The following CYFIP2 variants were observed in gnomAD, a reference collection of about 807,000 sequenced individuals.
CYFIP2 encodes cytoplasmic FMR1-interacting protein 2.
Under a neutral mutation model 158.7 loss-of-function variants are expected in CYFIP2, and 29 were observed. The ratio of observed to expected loss-of-function variants is 0.18; its 90% CI spans 0.14 to 0.25. The LOEUF is 0.25. CYFIP2 is among the 10% of genes least tolerant of loss of function. The pLI is 1.00. For missense variants in CYFIP2, 852 were observed against 1,639.5 expected (o/e 0.52, Z 8.29); for synonymous variants, 585 against 617.6 (o/e 0.95, Z 0.78).
In CYFIP2 at chr5:157,294,883, T is replaced by G. The variant is rs1283887590; in HGVS notation, c.285+23T>G. 2.5e-6 allele frequency: 4 copies of G among 1,604,248 alleles called. No individual in the cohort carries two copies. In the African/African-American group the frequency reaches 5.4e-5, roughly 21 times the overall value. The stretch of plus-strand genomic sequence containing the variant: ...CAGGTGAGACTGTCCTTGTTGTGTG[T>G]CTCTTTCCCCTCCAGAGGGCATTAC... On this transcript the variant is annotated intron_variant, in intron 4 of 30. Coordinates refer to ENST00000620254, the MANE Select transcript of CYFIP2 (RefSeq NM_001037333.3).
chr5:157,297,287 G>A (rs1266938414), intron 5 of CYFIP2, among the ~76,000 whole-genome samples: 1 of 152,248 alleles, frequency 6.6e-6, no homozygotes, highest in Non-Finnish European at 1.5e-5. Context: ...TGAGGGAAAT[G>A]GGAAGGTGGG....
At chr5:157,267,827 G>C (rs1755735479) in intron 1 of CYFIP2, among the ~76,000 whole-genome samples, 1 of 152,260 alleles carries the variant, frequency 6.6e-6, no homozygotes, top group Non-Finnish European at 1.5e-5. Flanking sequence ...GGGGAGCTGG[G>C]TAGTTCTTTT....
intron 24 of CYFIP2, among the ~76,000 whole-genome samples, chr5:157,359,631 C>T (rs567555234): frequency 1.3e-5 from 2 of 152,240 alleles, no homozygotes; most frequent in African/African-American, 4.8e-5. Flanking sequence ...CAAGAGAGTT[C>T]TGTATCCCTT....
chr5:157,355,774 TG>T (rs1206210090), intron 23 of CYFIP2, among the ~76,000 whole-genome samples: 2 of 152,192 alleles, frequency 1.3e-5, no homozygotes, highest in Non-Finnish European at 2.9e-5. Flanking sequence ...AGAGCTTTGC[TG>T]GGTTTACAGG....
chr5:157,280,015 A>G (rs1035475796), intron 1 of CYFIP2, among the ~76,000 whole-genome samples: 4 of 152,360 alleles, frequency 2.6e-5, no homozygotes, highest in South Asian at 2.1e-4. Flanking sequence ...ACCAATGCTC[A>G]TAGAAATCCA....
intron 29 of CYFIP2, 24 bp from the exon 30 acceptor site, chr5:157,390,497 G>A: frequency 7.8e-7 from 1 of 1,281,658 alleles, no homozygotes; most frequent in South Asian, 1.3e-5. Flanking sequence ...TCTCACTCCA[G>A]CTGCTTCCTC....
chr5:157,271,256 T>C (rs771780831), intron 1 of CYFIP2, among the ~76,000 whole-genome samples: 3 of 152,176 alleles, frequency 2.0e-5, no homozygotes, highest in Non-Finnish European at 4.4e-5. Context: ...CCACAGAGAA[T>C]GGTCTGCATG....
intron 30 of CYFIP2, 109 bp from the exon 31 acceptor site, chr5:157,392,724 C>A: frequency 8.2e-7 from 1 of 1,215,734 alleles, no homozygotes; most frequent in Non-Finnish European, 1.2e-6. Context: ...AAGAAAGTGA[C>A]ATGATCACTG....
At chr5:157,296,103 G>T (rs964706141) in intron 4 of CYFIP2, among the ~76,000 whole-genome samples, 1 of 152,236 alleles carries the variant, frequency 6.6e-6, no homozygotes, top group Admixed American at 6.5e-5. Flanking sequence ...CATGGACAGG[G>T]CACAGAACTG....
chr5:157,320,496 A>G (rs1760505388), intron 14 of CYFIP2, among the ~76,000 whole-genome samples, 159 bp from the exon 15 acceptor site: 1 of 152,238 alleles, frequency 6.6e-6, no homozygotes, highest in African/African-American at 2.4e-5. Flanking sequence ...CTGTTAAACC[A>G]GAGTTTTGGA....
intron 28 of CYFIP2, among the ~76,000 whole-genome samples, chr5:157,386,920 G>A (rs72809236): frequency 0.025 from 2,969 of 117,016 alleles, 45 homozygotes; most frequent in Admixed American, 0.049. Flanking sequence ...ACTCTGTCTC[G>A]AAGATTTAAA....
At chr5:157,343,180 A>G in intron 23 of CYFIP2, 1 of 1,614,222 alleles carries the variant, frequency 6.2e-7, no homozygotes, top group Non-Finnish European at 8.5e-7. Context: ...AGGCCAGCAG[A>G]ATGGCCATCA....
chr5:157,314,890 T>C (rs1480713582), intron 12 of CYFIP2, 79 bp from the exon 13 acceptor site: 1 of 1,125,622 alleles, frequency 8.9e-7, no homozygotes, highest in Non-Finnish European at 1.3e-6. Flanking sequence ...CTGAATAATA[T>C]TCCATTGCAT....
intron 19 of CYFIP2, among the ~76,000 whole-genome samples, chr5:157,329,925 GT>G (rs1236153872): frequency 6.6e-6 from 1 of 152,150 alleles, no homozygotes; most frequent in East Asian, 1.9e-4. Flanking sequence ...GCCCTACCTG[GT>G]TTGGCCCTGG....
intron 26 of CYFIP2, among the ~76,000 whole-genome samples, chr5:157,368,513 C>A (rs1302394052): frequency 6.6e-6 from 1 of 152,158 alleles, no homozygotes; most frequent in Non-Finnish European, 1.5e-5. Flanking sequence ...TGCCTCTGGC[C>A]TTTCTGTATG....
chr5:157,302,933 G>T (rs371759772), intron 7 of CYFIP2, 43 bp downstream of exon 7: 11 of 1,501,028 alleles, frequency 7.3e-6, no homozygotes, highest in Non-Finnish European at 9.9e-6. Flanking sequence ...ATGTCTCGGG[G>T]TTATAGGCAG....
chr5:157,280,432 C>A (rs1388135803), intron 1 of CYFIP2, among the ~76,000 whole-genome samples: 1 of 148,136 alleles, frequency 6.8e-6, no homozygotes, highest in African/African-American at 2.5e-5. Flanking sequence ...CCAGGCTGGT[C>A]AGGCTGGTCT....
At chr5:157,320,050 C>T (rs1216061713) in intron 14 of CYFIP2, 122 bp downstream of exon 14, 1 of 1,217,718 alleles carries the variant, frequency 8.2e-7, no homozygotes, top group Admixed American at 2.2e-5. Context: ...CCAGAGGGCT[C>T]TTTAGGAGAT....
intron 1 of CYFIP2, among the ~76,000 whole-genome samples, chr5:157,269,786 A>C (rs1431036235): frequency 6.6e-6 from 1 of 152,224 alleles, no homozygotes; most frequent in Non-Finnish European, 1.5e-5. Flanking sequence ...GCACTTTGTG[A>C]TTCACAGATT....
Sources: allele counts gnomAD v4.1 joint callset (sites outside exome capture counted in the v4.1 genomes callset), GRCh38; gene constraint gnomAD v4.1.1; transcripts MANE v1.5; gene names NCBI Gene and HGNC (gene_info 2026-07-23, HGNC 2026-07-21).